FCGR3B: variants seen among roughly 807,000 people sequenced by gnomAD.
FCGR3B encodes low affinity immunoglobulin gamma Fc region receptor III-B.
A neutral mutation model predicts 26.7 loss-of-function variants in FCGR3B; 20 were observed. That is an observed-to-expected ratio of 0.75 (90% CI 0.53 to 1.09). The LOEUF is 1.09. Among genes scored for constraint, FCGR3B ranks in the 50% least tolerant of loss-of-function variants. The pLI is 0.00. For synonymous variants in FCGR3B, 79 were observed against 107.0 expected, an observed-to-expected ratio of 0.74 and a Z score of 1.62; for missense variants, 191 against 279.7, an observed-to-expected ratio of 0.68 and a Z score of 2.26.
At chr1:161,630,692 T>C in intron 1 of FCGR3B, 1 of 542,688 alleles carries the variant, frequency 1.8e-6, no homozygotes, top group Non-Finnish European at 3.3e-6. Context: ...AGAAAGAGCC[T>C]CAACCCATAT....
chr1:161,628,738 A>T (rs1679598494), intron 3 of FCGR3B, among the ~76,000 whole-genome samples: 1 of 145,080 alleles, frequency 6.9e-6, no homozygotes, highest in Non-Finnish European at 1.5e-5. Flanking sequence ...ACCCATAAAC[A>T]TTGTATGAAT....
chr1:161,625,141 A>T (rs1172914653), intron 4 of FCGR3B, among the ~76,000 whole-genome samples: 1 of 135,832 alleles, frequency 7.4e-6, no homozygotes, highest in Admixed American at 7.6e-5. Flanking sequence ...TTCCCTAACC[A>T]CTTGGGAGTA....
In FCGR3B at chr1:161,627,438, C is replaced by T. The variant is rs1283284832; in HGVS notation, c.320-1036G>A. ...TTTACTGTAATTTTATTTTTTAAAT[C>T]TACATTCTCAGGTTGAATTACTATA... On this transcript the variant is annotated intron_variant, in intron 3 of 4. Coordinates refer to ENST00000650385, the MANE Select transcript of FCGR3B (RefSeq NM_001244753.2). 3.3e-5 allele frequency among the ~76,000 whole-genome samples: 5 copies of T among 150,152 alleles called. 1 individual carries two copies. Among genetic ancestry groups the T allele is most frequent in the African/African-American group, 1.2e-4 (5 of 40,330 alleles).
intron 3 of FCGR3B, among the ~76,000 whole-genome samples, chr1:161,626,884 A>T (rs1679491205): frequency 6.6e-6 from 1 of 150,384 alleles, no homozygotes; most frequent in African/African-American, 2.5e-5. Context: ...GAATAAGCTG[A>T]CGGTCGCCAC....
At chr1:161,631,715 G>A (rs1384488857), upstream of FCGR3B, among the ~76,000 whole-genome samples, 77 of 126,258 alleles carry the variant, frequency 6.1e-4, 1 homozygote, top group African/African-American at 2.2e-3. Context: ...CCTGGGATAT[G>A]TAATCCACAG....
chr1:161,630,389 C>G lies in FCGR3B; in HGVS notation c.41-1G>C, dbSNP rs773727352. The G allele has an allele frequency of 5.6e-6, 9 of 1,605,798 alleles. No homozygotes were observed. Among genetic ancestry groups the G allele is most frequent in the Non-Finnish European group, 6.8e-6 (8 of 1,176,420 alleles). On this transcript the variant is annotated splice_acceptor_variant, in intron 1 of 4. Transcript: ENST00000650385. LOFTEE classifies it high-confidence loss of function. ...TCACCAGTCCGCATGCCAGCTGAAA[C>G]TGCAAGAAAAAAGAGTAAATCAAAT...
intron 3 of FCGR3B, 131 bp downstream of exon 3, chr1:161,629,647 C>G (rs1189088494): frequency 2.4e-6 from 1 of 418,798 alleles, no homozygotes; most frequent in Non-Finnish European, 3.4e-6. Flanking sequence ...TGATACCATT[C>G]AGTGGGACCA....
chr1:161,627,449 G>A (rs1218531689), intron 3 of FCGR3B, among the ~76,000 whole-genome samples: 1 of 150,208 alleles, frequency 6.7e-6, no homozygotes, highest in Non-Finnish European at 1.5e-5. Context: ...TACATTCTCA[G>A]GTTGAATTAC....
intron 3 of FCGR3B, among the ~76,000 whole-genome samples, chr1:161,628,002 G>A (rs1679551039): frequency 6.7e-6 from 1 of 150,204 alleles, no homozygotes; most frequent in Admixed American, 6.7e-5. Flanking sequence ...GGCTGGGCGC[G>A]GTGGCTCACA....
rs751478993 is a variant in FCGR3B at position 161,629,973 on chromosome 1, T to C, written c.124A>G (p.Ser42Gly). 6 of 1,379,124 alleles carry C rather than the reference T, an allele frequency of 4.4e-6. 1 individual carries two copies. Among genetic ancestry groups the C allele is most frequent in the Admixed American group, 4.4e-5 (2 of 45,110 alleles). 85.4% of individuals were successfully genotyped at this position (1,379,124 alleles called of 1,614,324 possible). A position where few individuals can be genotyped will look rare whatever the true frequency, so the allele number is the denominator to read the frequency against. ...GCTCCCTGGCACTTCAGAGTCACACTGTCCTTCTCAAGCACGCTGTACCAT... is the reference window on the plus strand; with the variant it reads ...GCTCCCTGGCACTTCAGAGTCACACCGTCCTTCTCAAGCACGCTGTACCAT... ...PQWYSVLEKD[S>G]VTLKCQGAYS... is the part of the protein sequence containing the mutation. Residue 42 changes from serine (S) to glycine (G), a missense_variant, in exon 3 of 5, where the codon AGT becomes GGT. This residue lies in a region of FCGR3B where 88 missense variants were observed against 165.2 expected (regional missense o/e 0.53). Transcript: ENST00000650385.
At chr1:161,628,649 T>C (rs911064734) in intron 3 of FCGR3B, among the ~76,000 whole-genome samples, 3 of 145,206 alleles carry the variant, frequency 2.1e-5, no homozygotes, top group Non-Finnish European at 4.5e-5. Flanking sequence ...GCCACAAAAA[T>C]CAGTTTCAGA....
At chr1:161,625,304 T>C (rs1285101388) in intron 4 of FCGR3B, among the ~76,000 whole-genome samples, 1 of 137,452 alleles carries the variant, frequency 7.3e-6, no homozygotes, top group African/African-American at 2.8e-5. Flanking sequence ...TCTGTGAAAC[T>C]GGAAAGTCCA....
Position 161,630,354 on chromosome 1 carries a change from T to G in FCGR3B, c.61+14A>C. 1.2e-6 allele frequency: 2 copies of G among 1,602,566 alleles called. No homozygotes were observed. Among genetic ancestry groups the G allele is most frequent in the Non-Finnish European group, 1.7e-6 (2 of 1,173,978 alleles). On this transcript the variant is annotated intron_variant, in intron 2 of 4. Coordinates refer to ENST00000650385, the MANE Select transcript of FCGR3B (RefSeq NM_001244753.2). Reference sequence around the variant, plus strand: ...GCCCCACTGGGTCAATCCAAGACCATGAAGCTGACTCACCAGTCCGCATGC... The same window carrying G: ...GCCCCACTGGGTCAATCCAAGACCAGGAAGCTGACTCACCAGTCCGCATGC...
intron 3 of FCGR3B, among the ~76,000 whole-genome samples, chr1:161,628,846 T>C (rs1465170125): frequency 6.9e-6 from 1 of 144,858 alleles, no homozygotes; most frequent in African/African-American, 2.6e-5. Flanking sequence ...ACCCCTGCCT[T>C]CAAAATATTT....
rs375134752 is a variant in FCGR3B at position 161,630,374 on chromosome 1, G to T, written c.55C>A (p.Arg19=). 7 of 1,605,190 alleles carry T rather than the reference G, an allele frequency of 4.4e-6. No individual in the cohort carries two copies. The African/African-American group carries it at 6.9e-5, about 16-fold the overall frequency. Residue 19 remains arginine (R), a synonymous_variant, in exon 2 of 5, where the codon CGG becomes AGG. Transcript: ENST00000650385. ...ALLLLVSAGM[R]TEDLPKAVVF... is the part of the protein sequence containing the mutation. ...GACCATGAAGCTGACTCACCAGTCCGCATGCCAGCTGAAACTGCAAGAAAA... is the reference window on the plus strand; with the variant it reads ...GACCATGAAGCTGACTCACCAGTCCTCATGCCAGCTGAAACTGCAAGAAAA...
rs1329149332 is a variant in FCGR3B at position 161,626,207 on chromosome 1, C to T, written c.515G>A (p.Cys172Tyr). ...ATTTTTACTCCCAACAAGCCCCCTG[C>T]AGAAGTAGGAGCCGCTATCTTTGAG... Reference protein sequence around the residue: ...ATLKDSGSYFCRGLVGSKNVS... With the variant: ...ATLKDSGSYFYRGLVGSKNVS... Residue 172 changes from cysteine (C) to tyrosine (Y), a missense_variant, in exon 4 of 5, where the codon TGC (cysteine) becomes TAC (tyrosine). Cys to Tyr is a radical substitution (Grantham distance 194). Coordinates refer to ENST00000650385, the MANE Select transcript of FCGR3B (RefSeq NM_001244753.2). The T allele has an allele frequency of 3.7e-6, 6 of 1,609,024 alleles. No individual in the cohort carries two copies. Among genetic ancestry groups the T allele is most frequent in the Non-Finnish European group, 5.1e-6 (6 of 1,177,836 alleles).
Position 161,630,944 on chromosome 1 carries a change from G to A in FCGR3B, c.40+111C>T, listed in dbSNP as rs1317210609. ...TAGCTCAATCCACAGCTATAGATGT[G>A]GTGAGGGGTCCCATCCCTTTGTGGG... is the stretch of plus-strand genomic sequence containing the variant. On this transcript the variant is annotated intron_variant, in intron 1 of 4. Transcript: ENST00000650385. 227 of 1,483,284 alleles carry A rather than the reference G, an allele frequency of 1.5e-4. 8 individuals carry two copies. The highest frequency in any genetic ancestry group is 1.9e-4 in the Non-Finnish European group (213 of 1,117,594). 91.9% of individuals were successfully genotyped at this position (1,483,284 alleles called of 1,614,324 possible). A position where few individuals can be genotyped will look rare whatever the true frequency, so the allele number is the denominator to read the frequency against.
intron 3 of FCGR3B, 96 bp from the exon 4 acceptor site, chr1:161,626,498 A>G: frequency 1.9e-6 from 2 of 1,062,818 alleles, no homozygotes; most frequent in East Asian, 5.1e-5. Context: ...CTGAGGCATA[A>G]GGGAAAGCCA....
At position 161,626,372 on chromosome 1, in the gene FCGR3B, A is replaced by G; in HGVS notation, c.350T>C (p.Val117Ala). 1 of 1,608,938 alleles carries G rather than the reference A, an allele frequency of 6.2e-7. No individual in the cohort carries two copies. Among genetic ancestry groups the G allele is most frequent in the Non-Finnish European group, 8.5e-7 (1 of 1,178,040 alleles). The change falls in exon 4 of 5, where the codon GTG (valine) becomes GCG (alanine). Residue 117 changes from valine (V) to alanine (A), a missense_variant. Val to Ala is a moderately conservative substitution (Grantham distance 64). Coordinates refer to ENST00000650385, the MANE Select transcript of FCGR3B (RefSeq NM_001244753.2). ...GWLLLQAPRW[V>A]FKEEDPIHLR... ...GTGAATAGGGTCTTCCTCCTTGAAC[A>G]CCCACCGAGGGGCCTGGAGCAACAG...
Sources: allele counts gnomAD v4.1 joint callset (sites outside exome capture counted in the v4.1 genomes callset), GRCh38; gene constraint gnomAD v4.1.1; regional missense constraint gnomAD v4.1.1; transcripts MANE v1.5; gene names NCBI Gene and HGNC (gene_info 2026-07-23, HGNC 2026-07-21).